The following RAPGEF4 variants were observed in gnomAD, a reference collection of about 807,000 sequenced individuals.
RAPGEF4 encodes RAP guanine-nucleotide-exchange factor (GEF) 4.
A neutral mutation model predicts 147.9 loss-of-function variants in RAPGEF4; 66 were observed. The ratio of observed to expected loss-of-function variants is 0.45; its 90% confidence interval spans 0.37 to 0.55. The LOEUF (loss-of-function observed/expected upper bound fraction) is 0.55, where lower values mean the gene tolerates loss of function less well. Among genes scored for constraint, RAPGEF4 ranks in the 20% least tolerant of loss-of-function variants. The probability of loss-of-function intolerance (pLI) is 0.00; values close to 1 mark genes in which losing one functional copy is unlikely to be tolerated. For synonymous variants in RAPGEF4, 419 were observed against 442.7 expected (o/e 0.95, Z 0.67); for missense variants, 1,071 against 1,257.3 (o/e 0.85, Z 2.24).
chr2:172,924,543 A>G (rs972412213), intron 6 of RAPGEF4, among the ~76,000 whole-genome samples: 4 of 152,314 alleles, frequency 2.6e-5, no homozygotes, highest in Middle Eastern at 3.4e-3. Flanking sequence ...TTAATTCTCT[A>G]TTAGCAAATA....
intron 10 of RAPGEF4, among the ~76,000 whole-genome samples, chr2:172,977,740 C>T (rs1486437662): frequency 6.6e-6 from 1 of 152,210 alleles, no homozygotes; most frequent in East Asian, 1.9e-4. Flanking sequence ...TCCTAGCTCA[C>T]AGCAAATCTC....
At chr2:172,868,838 A>G (rs2149802164) in intron 4 of RAPGEF4, among the ~76,000 whole-genome samples, 1 of 152,330 alleles carries the variant, frequency 6.6e-6, no homozygotes, top group South Asian at 2.1e-4. Context: ...AGGAAGCATG[A>G]TGCTGGCATC....
At position 172,800,570 on chromosome 2, in the gene RAPGEF4, T is replaced by A. The variant is rs76345894; in HGVS notation, c.297+2957T>A. 1.4e-3 allele frequency among the ~76,000 whole-genome samples: 211 copies of A among 151,286 alleles called. 5 individuals carry two copies. The East Asian group carries it at 0.026, about 19-fold the overall frequency. Reference sequence around the variant, plus strand: ...AAACAGAATCACTAAGAGATAGAGATAGAGAGAGAGAGAGACAGGTTTGTT... The same window carrying A: ...AAACAGAATCACTAAGAGATAGAGAAAGAGAGAGAGAGAGACAGGTTTGTT... On this transcript the variant is annotated intron_variant, in intron 3 of 30. Coordinates refer to ENST00000397081, the MANE Select transcript of RAPGEF4 (RefSeq NM_007023.4).
chr2:172,795,887 A>G (rs990931066), intron 2 of RAPGEF4, among the ~76,000 whole-genome samples: 1 of 152,178 alleles, frequency 6.6e-6, no homozygotes, highest in African/African-American at 2.4e-5. Flanking sequence ...TTGTCCTCAG[A>G]CTTGTCCCAA....
chr2:172,981,352 AC>A (rs1691663442), intron 10 of RAPGEF4, among the ~76,000 whole-genome samples: 3 of 152,214 alleles, frequency 2.0e-5, no homozygotes, highest in Non-Finnish European at 4.4e-5. Context: ...GACTCGATTG[AC>A]TTTTAAATCC....
At chr2:173,017,840 A>C (rs1350955514) in intron 21 of RAPGEF4, among the ~76,000 whole-genome samples, 1 of 152,100 alleles carries the variant, frequency 6.6e-6, no homozygotes, top group Non-Finnish European at 1.5e-5. Flanking sequence ...GTGGGTGCCA[A>C]GGAGACAATG....
intron 4 of RAPGEF4, among the ~76,000 whole-genome samples, chr2:172,907,324 T>A (rs1699729235): frequency 6.6e-6 from 1 of 152,368 alleles, no homozygotes. Flanking sequence ...TTCCCATCCC[T>A]TCTTTCTGCC....
At chr2:173,019,885 A>T (rs1285895241) in intron 22 of RAPGEF4, among the ~76,000 whole-genome samples, 3 of 151,216 alleles carry the variant, frequency 2.0e-5, no homozygotes, top group African/African-American at 7.3e-5. Context: ...CCTAGACCCC[A>T]CCCCTGTGAT....
intron 26 of RAPGEF4, 86 bp from the exon 27 acceptor site, chr2:173,033,828 A>G (rs979944381): frequency 4.1e-5 from 51 of 1,248,030 alleles, no homozygotes; most frequent in Non-Finnish European, 5.7e-5. Flanking sequence ...CAATGGATAT[A>G]TATTTCCCCT....
chr2:172,841,564 G>C (rs528768088), intron 4 of RAPGEF4, among the ~76,000 whole-genome samples: 4 of 152,160 alleles, frequency 2.6e-5, no homozygotes, highest in Admixed American at 1.3e-4. Flanking sequence ...AATGACAGCT[G>C]TCTAGGGTGC....
intron 27 of RAPGEF4, among the ~76,000 whole-genome samples, chr2:173,034,765 T>G (rs1400176971): frequency 6.6e-6 from 1 of 151,680 alleles, no homozygotes; most frequent in Non-Finnish European, 1.5e-5. Flanking sequence ...TCCCAGCTAC[T>G]CAGGAGGCGG....
chr2:172,921,380 A>G (rs1260523117), intron 5 of RAPGEF4, among the ~76,000 whole-genome samples: 1 of 152,132 alleles, frequency 6.6e-6, no homozygotes, highest in Non-Finnish European at 1.5e-5. Flanking sequence ...GAGCCACTGC[A>G]TCCAGCTAGC....
In RAPGEF4 at chr2:173,036,148, C is replaced by T; in HGVS notation, c.2724C>T (p.Ala908=). 1 of 1,612,606 alleles carries T rather than the reference C, an allele frequency of 6.2e-7. No homozygotes were observed. Among genetic ancestry groups the T allele is most frequent in the Non-Finnish European group, 8.5e-7 (1 of 1,178,918 alleles). ...SLMDPSRNHR[A]YRLTVAKLEP... The stretch of plus-strand genomic sequence containing the variant: ...AGGACCCTTCAAGGAACCACAGGGC[C>T]TACAGGCTGACAGTAGCTAAGCTGG... The change falls in exon 28 of 31, where the codon GCC becomes GCT. Residue 908 remains alanine, a synonymous_variant. Transcript: ENST00000397081.
intron 12 of RAPGEF4, among the ~76,000 whole-genome samples, chr2:172,985,950 A>G (rs1470850897): frequency 6.6e-6 from 1 of 152,208 alleles, no homozygotes; most frequent in Non-Finnish European, 1.5e-5. Context: ...TTAAGCTCCA[A>G]GCTGGAGAGA....
chr2:173,035,690 A>G (rs1683905381), intron 27 of RAPGEF4, among the ~76,000 whole-genome samples: 1 of 152,130 alleles, frequency 6.6e-6, no homozygotes. Flanking sequence ...TTTAACCACT[A>G]ATAGCCTACT....
intron 6 of RAPGEF4, among the ~76,000 whole-genome samples, chr2:172,948,434 T>C (rs1687895814): frequency 6.6e-6 from 1 of 152,132 alleles, no homozygotes; most frequent in Non-Finnish European, 1.5e-5. Context: ...CAGAAATACT[T>C]ATCAAAACAA....
At chr2:172,803,265 C>T (rs773419162) in intron 3 of RAPGEF4, among the ~76,000 whole-genome samples, 3 of 152,208 alleles carry the variant, frequency 2.0e-5, no homozygotes, top group Non-Finnish European at 4.4e-5. Flanking sequence ...AAACTTCTGC[C>T]TGGACATCCA....
intron 8 of RAPGEF4, among the ~76,000 whole-genome samples, chr2:172,963,224 T>C (rs1254782255): frequency 1.3e-5 from 2 of 152,172 alleles, no homozygotes; most frequent in Non-Finnish European, 2.9e-5. Context: ...ACATGGAAAT[T>C]ACAATTTGAG....
chr2:172,746,036 T>G (rs1694736950), intron 1 of RAPGEF4, among the ~76,000 whole-genome samples: 1 of 152,226 alleles, frequency 6.6e-6, no homozygotes, highest in South Asian at 2.1e-4. Flanking sequence ...TGGATTGTGT[T>G]TCTTACTGAA....
Sources: allele counts gnomAD v4.1 joint callset (sites outside exome capture counted in the v4.1 genomes callset), GRCh38; gene constraint gnomAD v4.1.1; transcripts MANE v1.5; gene names NCBI Gene and HGNC (gene_info 2026-07-23, HGNC 2026-07-21).